RCOR1: variants seen among roughly 807,000 people sequenced by gnomAD.
RCOR1 encodes REST corepressor 1.
RCOR1 carries 12 observed loss-of-function variants against 64.0 expected under a neutral mutation model. The ratio of observed to expected loss-of-function variants is 0.19; its 90% CI spans 0.12 to 0.30. RCOR1 has a LOEUF of 0.30. Among genes scored for constraint, RCOR1 ranks in the 10% least tolerant of loss-of-function variants. RCOR1 has a pLI of 1.00. For missense variants in RCOR1, 502 were observed against 621.2 expected (o/e 0.81, Z 2.04); for synonymous variants, 279 against 227.2 (o/e 1.23, Z -2.05).
chr14:102,676,614 C>T (rs1390304469), intron 2 of RCOR1, among the ~76,000 whole-genome samples: 4 of 88,026 alleles, frequency 4.5e-5, no homozygotes, highest in Admixed American at 9.9e-5. Context: ...CCGGACGGGG[C>T]GGCTGGCCAG....
At chr14:102,665,697 C>G (rs902772420) in intron 2 of RCOR1, among the ~76,000 whole-genome samples, 43 of 152,136 alleles carry the variant, frequency 2.8e-4, no homozygotes, top group African/African-American at 1.0e-3. Flanking sequence ...GATTGAGTCC[C>G]AGATGGGAGT....
chr14:102,616,226 GTGTGTGTGTGTGTGTGTGTGTGTA>G (rs1555462060), intron 2 of RCOR1, among the ~76,000 whole-genome samples: 1 of 85,672 alleles, frequency 1.2e-5, no homozygotes, highest in Non-Finnish European at 2.9e-5. Flanking sequence ...GTGTGTGTGT[GTGTGTGTGTGTGTGTGTGTGTGTA>G]TGTGTGTGTG....
chr14:102,638,545 C>T (rs1894293001), intron 2 of RCOR1, among the ~76,000 whole-genome samples: 2 of 152,092 alleles, frequency 1.3e-5, no homozygotes, highest in African/African-American at 4.8e-5. Context: ...GGGGTTTTGC[C>T]ATGTTGGCCA....
chr14:102,653,927 CTTTCT>C (rs1567423183), intron 2 of RCOR1, among the ~76,000 whole-genome samples: 43 of 21,724 alleles, frequency 2.0e-3, no homozygotes, highest in Non-Finnish European at 2.2e-3. Context: ...TTCCTTCTTT[CTTTCT>C]TTCTTTCTTT....
chr14:102,646,654 G>A (rs375685153), intron 2 of RCOR1, among the ~76,000 whole-genome samples: 9 of 152,188 alleles, frequency 5.9e-5, no homozygotes, highest in African/African-American at 1.9e-4. Context: ...GGTGGGAAGA[G>A]GAAGTGTGGA....
intron 2 of RCOR1, among the ~76,000 whole-genome samples, chr14:102,666,396 C>T (rs183444365): frequency 5.3e-5 from 8 of 152,320 alleles, no homozygotes; most frequent in Admixed American, 4.6e-4. Flanking sequence ...TCCATATACC[C>T]TACACCCAGT....
At chr14:102,619,571 C>G (rs541459649) in intron 2 of RCOR1, among the ~76,000 whole-genome samples, 1 of 151,670 alleles carries the variant, frequency 6.6e-6, no homozygotes, top group Admixed American at 6.6e-5. Flanking sequence ...GCCTCTGCCT[C>G]CCGGGTTCAA....
intron 3 of RCOR1, among the ~76,000 whole-genome samples, chr14:102,698,378 A>G (rs1384987730): frequency 2.0e-5 from 3 of 152,200 alleles, no homozygotes; most frequent in African/African-American, 7.2e-5. Context: ...GGGCCACTCC[A>G]GGGACTCCTG....
At chr14:102,681,751 C>T in intron 2 of RCOR1, 144 bp from the exon 3 acceptor site, 2 of 568,822 alleles carry the variant, frequency 3.5e-6, no homozygotes, top group South Asian at 5.1e-5. Context: ...CCCCCATCTC[C>T]ATCCTCACTC....
chr14:102,699,237 A>G (rs1895706878), intron 3 of RCOR1, among the ~76,000 whole-genome samples: 1 of 152,194 alleles, frequency 6.6e-6, no homozygotes, highest in South Asian at 2.1e-4. Context: ...AGCTATGGTC[A>G]TTTCATTTGT....
intron 2 of RCOR1, among the ~76,000 whole-genome samples, chr14:102,603,458 G>A (rs1008673149): frequency 6.6e-6 from 1 of 151,918 alleles, no homozygotes. Flanking sequence ...CGGAGTAGCT[G>A]GGTTTATAGG....
chr14:102,619,149 T>A (rs149190800), intron 2 of RCOR1, among the ~76,000 whole-genome samples: 3 of 152,194 alleles, frequency 2.0e-5, no homozygotes, highest in Non-Finnish European at 4.4e-5. Context: ...GAGACGGAGT[T>A]TCGCTCTTGT....
intron 2 of RCOR1, chr14:102,658,531 G>A: frequency 1.0e-6 from 1 of 985,206 alleles, no homozygotes; most frequent in Non-Finnish European, 1.2e-6. Context: ...CTTGAATTAT[G>A]GAAAGTTTTT....
chr14:102,714,343 A>G (rs1476972168), intron 7 of RCOR1, 80 bp from the exon 8 acceptor site: 13 of 883,598 alleles, frequency 1.5e-5, no homozygotes, highest in Middle Eastern at 3.3e-4. Context: ...TTTTGGTGCC[A>G]TGTTAAGGAA....
At chr14:102,666,648 G>A (rs1267000930) in intron 2 of RCOR1, among the ~76,000 whole-genome samples, 1 of 152,152 alleles carries the variant, frequency 6.6e-6, no homozygotes, top group Non-Finnish European at 1.5e-5. Flanking sequence ...TGATGTTTTA[G>A]TTTTAAGAAG....
intron 7 of RCOR1, among the ~76,000 whole-genome samples, chr14:102,714,132 A>G (rs1396475930): frequency 1.3e-5 from 2 of 152,176 alleles, no homozygotes; most frequent in East Asian, 1.9e-4. Context: ...TTTTCTTTCT[A>G]TATTACTAGA....
intron 2 of RCOR1, among the ~76,000 whole-genome samples, chr14:102,673,918 G>A (rs551918008): frequency 3.3e-5 from 5 of 152,186 alleles, no homozygotes; most frequent in Non-Finnish European, 7.3e-5. Flanking sequence ...CCCAGCCCCC[G>A]TTGATGTATT....
At chr14:102,657,088 A>G (rs1003720473) in intron 2 of RCOR1, 3 of 984,148 alleles carry the variant, frequency 3.0e-6, no homozygotes, top group Non-Finnish European at 3.6e-6. Context: ...AACATCTTCT[A>G]AAGCCTAATC....
chr14:102,663,415 T>C (rs1894862514), intron 2 of RCOR1, among the ~76,000 whole-genome samples: 1 of 152,234 alleles, frequency 6.6e-6, no homozygotes, highest in South Asian at 2.1e-4. Flanking sequence ...AAGAATTTCA[T>C]ATTGTCTTTT....
Sources: gnomAD v4.1 joint callset for allele counts (sites outside exome capture counted in the v4.1 genomes callset) on GRCh38, gnomAD v4.1.1 for gene constraint, MANE v1.5 for transcripts, NCBI Gene and HGNC (gene_info 2026-07-23, HGNC 2026-07-21) for gene names.